PCYT1A: variants seen among roughly 807,000 people sequenced by gnomAD.
The protein encoded by PCYT1A is phosphate cytidylyltransferase 1A, choline.
A neutral mutation model predicts 43.7 loss-of-function variants in PCYT1A; 25 were observed. The observed-to-expected ratio is 0.57, with a 90% CI of 0.42 to 0.80. The LOEUF is 0.80. Among genes scored for constraint, PCYT1A ranks in the 30% least tolerant of loss-of-function variants. PCYT1A has a pLI of 0.00. For synonymous variants in PCYT1A, 172 were observed against 170.7 expected, an observed-to-expected ratio of 1.01 and a Z score of -0.06; for missense variants, 421 against 474.2, an observed-to-expected ratio of 0.89 and a Z score of 1.04.
rs139235512 is a variant in PCYT1A at position 196,277,938 on chromosome 3, G to A, written c.-10-7397C>T. Among the ~76,000 whole-genome samples, 261 of 151,780 alleles carry A rather than the reference G, an allele frequency of 1.7e-3. 2 individuals carry two copies. The highest frequency in any genetic ancestry group is 6.1e-3 in the African/African-American group (251 of 41,378). On this transcript the variant is annotated intron_variant, in intron 1 of 8. Transcript: ENST00000431016. This position sits in a 1 kb window ranked among gnomAD's most constrained non-coding sequence, Gnocchi z 4.1. ...TCACAAGTTTTTTTCATTTTTTCCCGGCCTTCTTATGCCATCCCAATGTTC... is the reference window on the plus strand; with the variant it reads ...TCACAAGTTTTTTTCATTTTTTCCCAGCCTTCTTATGCCATCCCAATGTTC...
In PCYT1A at chr3:196,234,636, G is replaced by A. The variant is rs1173701501; in HGVS notation, c.*4052C>T. The A allele has an allele frequency of 6.6e-6, 1 of 152,182 alleles. No individual in the cohort carries two copies. Among genetic ancestry groups the A allele is most frequent in the Non-Finnish European group, 1.5e-5 (1 of 68,028 alleles). 9.4% of individuals were successfully genotyped at this position (152,182 alleles called of 1,614,324 possible). On this transcript the variant is annotated 3_prime_UTR_variant, in exon 9 of 9. Transcript: ENST00000431016. ...AGTCAGTTTTCCCCCTCAAAAGGCG[G>A]GAAGGCCCACTTCAAACCTCCAGGA...
intron 7 of PCYT1A, among the ~76,000 whole-genome samples, chr3:196,240,347 G>T (rs1055105036): frequency 5.3e-5 from 8 of 152,172 alleles, no homozygotes; most frequent in African/African-American, 1.9e-4. Context: ...AAGGAAAATG[G>T]TATAAACCCT....
In PCYT1A at chr3:196,252,090, G is replaced by A. The variant is rs1163703465; in HGVS notation, c.218-3767C>T. 6.7e-6 allele frequency among the ~76,000 whole-genome samples: 1 copy of A among 150,146 alleles called. No individual in the cohort carries two copies. Among genetic ancestry groups the A allele is most frequent in the Admixed American group, 6.6e-5 (1 of 15,046 alleles). Reference sequence around the variant, plus strand: ...CGCCCCGCTGACTACAGCGCACCCCGCCACGCCCCGCAGACTACAGCGCAC... The same window carrying A: ...CGCCCCGCTGACTACAGCGCACCCCACCACGCCCCGCAGACTACAGCGCAC... On this transcript the variant is annotated intron_variant, in intron 3 of 8. Coordinates refer to ENST00000431016, the MANE Select transcript of PCYT1A (RefSeq NM_001312673.2). The surrounding 1 kb of genome is among the most constrained non-coding windows in gnomAD (Gnocchi z 4.0).
intron 2 of PCYT1A, among the ~76,000 whole-genome samples, chr3:196,265,050 A>T (rs1725226287): frequency 6.6e-6 from 1 of 151,150 alleles, no homozygotes. Context: ...ATTTATTATT[A>T]TTTTTATTTT....
chr3:196,258,779 G>A (rs1183646607), intron 2 of PCYT1A, among the ~76,000 whole-genome samples: 2 of 151,830 alleles, frequency 1.3e-5, no homozygotes, highest in Non-Finnish European at 2.9e-5. Context: ...GTAGAGACAA[G>A]GTCTCACTAC....
At position 196,241,900 on chromosome 3, in the gene PCYT1A, T is replaced by C. The variant is rs1322334864; in HGVS notation, c.708+48A>G. ...TCAGCTGAGATGGAGTGGGAGGTGA[T>C]ATGTCTCCTACAGAGTCAGGGAACT... On this transcript the variant is annotated intron_variant, in intron 7 of 8. Coordinates refer to ENST00000431016, the MANE Select transcript of PCYT1A (RefSeq NM_001312673.2). The C allele has an allele frequency of 1.9e-6, 3 of 1,606,034 alleles. 1 individual carries two copies. In the East Asian group the frequency reaches 6.7e-5, roughly 36 times the overall value.
At position 196,242,232 on chromosome 3, in the gene PCYT1A, T is replaced by A; in HGVS notation, c.566-142A>T. On this transcript the variant is annotated intron_variant, in intron 6 of 8. Coordinates refer to ENST00000431016, the MANE Select transcript of PCYT1A (RefSeq NM_001312673.2). The surrounding 1 kb of genome is among the most constrained non-coding windows in gnomAD (Gnocchi z 4.2). ...ATTACTAAATGAAACTGAAAGATACTGATATACAGAAGGTAGACCGAATCA... is the reference window on the plus strand; with the variant it reads ...ATTACTAAATGAAACTGAAAGATACAGATATACAGAAGGTAGACCGAATCA... 4 of 842,400 alleles carry A rather than the reference T, an allele frequency of 4.7e-6. No individual in the cohort carries two copies. The highest frequency in any genetic ancestry group is 7.6e-6 in the Non-Finnish European group (4 of 525,168). The allele number at this position is 842,400 out of a possible 1,614,324, so 52.2% of individuals were successfully genotyped here. A position where few individuals can be genotyped will look rare whatever the true frequency, so the allele number is the denominator to read the frequency against.
chr3:196,274,928 C>T (rs1342649981), intron 1 of PCYT1A, among the ~76,000 whole-genome samples: 1 of 152,160 alleles, frequency 6.6e-6, no homozygotes, highest in African/African-American at 2.4e-5. Flanking sequence ...ACTCCGAGTT[C>T]TTTCAGTGAT....
At chr3:196,285,021 G>A (rs1725868110) in intron 1 of PCYT1A, among the ~76,000 whole-genome samples, 1 of 152,184 alleles carries the variant, frequency 6.6e-6, no homozygotes, top group Non-Finnish European at 1.5e-5. Context: ...TCCCATTCAA[G>A]AACCTATCTG....
At chr3:196,255,797 G>A (rs1041269384) in intron 3 of PCYT1A, among the ~76,000 whole-genome samples, 2 of 152,186 alleles carry the variant, frequency 1.3e-5, no homozygotes, top group African/African-American at 4.8e-5. Flanking sequence ...ACTGGATAAT[G>A]CAACCCATCA....
At chr3:196,267,432 C>A in intron 2 of PCYT1A, 1 of 422,550 alleles carries the variant, frequency 2.4e-6, no homozygotes, top group South Asian at 1.7e-5. Context: ...AAAAATATCC[C>A]AGGCCAGGCA....
At chr3:196,243,539 C>CGGTCTCCCTCTCCCTCTCTTTCTAT (rs1490093836) in intron 5 of PCYT1A, among the ~76,000 whole-genome samples, 1 of 151,770 alleles carries the variant, frequency 6.6e-6, no homozygotes, top group Admixed American at 6.6e-5. Context: ...CCTCTCCCCA[C>CGGTCTCCCTCTCCCTCTCTTTCTAT]GGTCTCCCTC....
At chr3:196,240,502 T>G (rs117566013) in intron 7 of PCYT1A, 1 of 152,116 alleles carries the variant, frequency 6.6e-6, no homozygotes, top group Non-Finnish European at 1.5e-5. Context: ...CTGGACAACA[T>G]AGCAAGACCT....
chr3:196,243,510 T>C (rs946976871), intron 5 of PCYT1A, among the ~76,000 whole-genome samples: 4 of 150,328 alleles, frequency 2.7e-5, no homozygotes, highest in Non-Finnish European at 5.9e-5. Context: ...CCCCTCTCCC[T>C]TCTCCCCTCT....
intron 2 of PCYT1A, among the ~76,000 whole-genome samples, chr3:196,264,690 C>T (rs943885023): frequency 6.6e-6 from 1 of 151,762 alleles, no homozygotes; most frequent in African/African-American, 2.4e-5. Flanking sequence ...CCCACCAACC[C>T]AGGCATCTAA....
rs1724384024 is a variant in PCYT1A, at chr3:196,242,344, T to C, written c.565+218A>G. 1 of 680,866 alleles carries C rather than the reference T, an allele frequency of 1.5e-6. No individual in the cohort carries two copies. Among genetic ancestry groups the C allele is most frequent in the Admixed American group, 2.2e-5 (1 of 46,224 alleles). The allele number at this position is 680,866 out of a possible 1,614,324, so 42.2% of individuals were successfully genotyped here. A position where few individuals can be genotyped will look rare whatever the true frequency, so the allele number is the denominator to read the frequency against. ...GGGTTTCCTGAAATTAAGAGAGATA[T>C]CCAAAGTAGATGTTTAGACCAAGAA... On this transcript the variant is annotated intron_variant, in intron 6 of 8. Transcript: ENST00000431016. The surrounding 1 kb of genome is among the most constrained non-coding windows in gnomAD (Gnocchi z 4.2).
chr3:196,239,402 C>T (rs1724282716), intron 8 of PCYT1A, 145 bp downstream of exon 8: 1 of 538,988 alleles, frequency 1.9e-6, no homozygotes, highest in Admixed American at 3.3e-5. Context: ...AAAAACCTTG[C>T]TGGGGACAGT....
chr3:196,255,866 G>A (rs1204527066), intron 3 of PCYT1A, among the ~76,000 whole-genome samples: 2 of 152,186 alleles, frequency 1.3e-5, no homozygotes, highest in African/African-American at 2.4e-5. Context: ...TATGTAAAAA[G>A]TTCTTGCTTT....
rs989818475 is a variant in PCYT1A, at chr3:196,239,778, A to G, written c.709-43T>C. ...TCTTCTGAGAAATAATGCTCATCCT[A>G]AACTTCTCTACCATAAGAGAACGAA... On this transcript the variant is annotated intron_variant, in intron 7 of 8. Coordinates refer to ENST00000431016, the MANE Select transcript of PCYT1A (RefSeq NM_001312673.2). The G allele has an allele frequency of 2.3e-6, 3 of 1,319,386 alleles. No individual in the cohort carries two copies. In the African/African-American group the frequency reaches 4.3e-5, roughly 19 times the overall value. 81.7% of individuals were successfully genotyped at this position (1,319,386 alleles called of 1,614,324 possible).
Sources: allele counts gnomAD v4.1 joint callset (sites outside exome capture counted in the v4.1 genomes callset), GRCh38; gene constraint gnomAD v4.1.1; non-coding constraint Gnocchi (gnomAD v3.1); transcripts MANE v1.5; gene names NCBI Gene and HGNC (gene_info 2026-07-23, HGNC 2026-07-21).